Variants in LPP observed in about 807,000 individuals in gnomAD.
LPP encodes lipoma-preferred partner.
In LPP, 38 loss-of-function variants were observed where a neutral mutation model predicts 60.4. That is an observed-to-expected ratio of 0.63 (90% confidence interval 0.49 to 0.83). The LOEUF (loss-of-function observed/expected upper bound fraction) is 0.83, where lower values mean the gene tolerates loss of function less well. Among genes scored for constraint, LPP ranks in the 40% least tolerant of loss-of-function variants. LPP has a pLI of 0.00. For synonymous variants in LPP, 328 were observed against 290.8 expected (o/e 1.13, Z -1.30); for missense variants, 902 against 783.6 (o/e 1.15, Z -1.80).
chr3:188,540,825 C>CCATCCAACTCTCTGAAATAGAT, intron 6 of LPP, among the ~76,000 whole-genome samples: 1 of 152,232 alleles, frequency 6.6e-6, no homozygotes, highest in Admixed American at 6.5e-5. Flanking sequence ...CCATGATGTC[C>CCATCCAACTCTCTGAAATAGAT]CATCCAACTC....
intron 9 of LPP, among the ~76,000 whole-genome samples, chr3:188,801,141 G>A (rs759066197): frequency 2.6e-5 from 4 of 152,044 alleles, no homozygotes; most frequent in Admixed American, 6.6e-5. Context: ...AAAGGTTCCC[G>A]GGGCTAAACG....
chr3:188,340,508 A>G (rs1378732914), intron 2 of LPP, among the ~76,000 whole-genome samples: 1 of 139,928 alleles, frequency 7.1e-6, no homozygotes. Flanking sequence ...GGGACATTTT[A>G]TCAAAACTTC....
intron 6 of LPP, among the ~76,000 whole-genome samples, chr3:188,607,380 T>TAGAG (rs1842637009): frequency 6.0e-5 from 1 of 16,692 alleles, no homozygotes; most frequent in African/African-American, 2.4e-4. Context: ...GATATATATA[T>TAGAG]ATATATATAT....
At chr3:188,635,543 A>G (rs965979718) in intron 7 of LPP, among the ~76,000 whole-genome samples, 1 of 152,182 alleles carries the variant, frequency 6.6e-6, no homozygotes, top group African/African-American at 2.4e-5. Flanking sequence ...AGGGAAATAC[A>G]CACAATGCTA....
chr3:188,402,801 A>T (rs1164971837), intron 3 of LPP, among the ~76,000 whole-genome samples: 1 of 152,236 alleles, frequency 6.6e-6, no homozygotes, highest in African/African-American at 2.4e-5. Flanking sequence ...GTGGATTGTT[A>T]TAAGTATGCC....
chr3:188,609,905 C>T lies in LPP; in HGVS notation c.1113+61C>T. 1 of 1,502,180 alleles carries T rather than the reference C, an allele frequency of 6.7e-7. No homozygotes were observed. Among genetic ancestry groups the T allele is most frequent in the Non-Finnish European group, 9.0e-7 (1 of 1,117,080 alleles). The allele number at this position is 1,502,180 out of a possible 1,614,324, so 93.1% of individuals were successfully genotyped here. A position where few individuals can be genotyped will look rare whatever the true frequency, so the allele number is the denominator to read the frequency against. ...GGGTGCCTATCTTAGTCTGCCTTCC[C>T]CAGGAAGCGAAGCCTAAGGCAAAAG... On this transcript the variant is annotated intron_variant, in intron 7 of 11. Coordinates refer to ENST00000617246, the MANE Select transcript of LPP (RefSeq NM_001375462.1). This position sits in a 1 kb window ranked among gnomAD's most constrained non-coding sequence, Gnocchi z 6.9.
intron 2 of LPP, chr3:188,240,266 G>C (rs1215403515): frequency 5.8e-6 from 1 of 171,384 alleles, no homozygotes; most frequent in Non-Finnish European, 1.3e-5. Flanking sequence ...GTAGTGAGGG[G>C]GAACATGGGT....
intron 8 of LPP, among the ~76,000 whole-genome samples, chr3:188,733,290 C>CGTGTGTGTGTGTGTGT (rs10576864): frequency 3.4e-5 from 5 of 147,182 alleles, no homozygotes; most frequent in South Asian, 4.3e-4. Context: ...TCACCAAAAA[C>CGTGTGTGTGTGTGTGT]GTGTGTGTGT....
chr3:188,648,127 G>A (rs150095600), intron 7 of LPP, among the ~76,000 whole-genome samples: 149 of 152,250 alleles, frequency 9.8e-4, no homozygotes, highest in Middle Eastern at 6.8e-3. Flanking sequence ...TAATATGTTG[G>A]TGCTCTGCAT....
chr3:188,274,571 G>T (rs1739000499), intron 2 of LPP, among the ~76,000 whole-genome samples: 1 of 152,216 alleles, frequency 6.6e-6, no homozygotes, highest in African/African-American at 2.4e-5. Flanking sequence ...GACCTGTCAA[G>T]TGTGATGAAT....
intron 7 of LPP, among the ~76,000 whole-genome samples, chr3:188,660,650 G>GTGTGTGTA (rs1854369572): frequency 6.6e-6 from 1 of 151,838 alleles, no homozygotes; most frequent in East Asian, 1.9e-4. Flanking sequence ...AGATCTGTGT[G>GTGTGTGTA]TGTGTGTGTG....
chr3:188,280,584 A>G (rs528178694), intron 2 of LPP, among the ~76,000 whole-genome samples: 2 of 152,028 alleles, frequency 1.3e-5, no homozygotes, highest in African/African-American at 2.4e-5. Flanking sequence ...CCCCCAAACG[A>G]AACAGGTATC....
intron 4 of LPP, among the ~76,000 whole-genome samples, chr3:188,424,491 G>T (rs888831620): frequency 6.6e-6 from 1 of 152,090 alleles, no homozygotes; most frequent in Admixed American, 6.5e-5. Flanking sequence ...CTTCTGTGAA[G>T]AATGTCAATG....
chr3:188,579,758 G>A (rs1351319873), intron 6 of LPP, among the ~76,000 whole-genome samples: 1 of 150,692 alleles, frequency 6.6e-6, no homozygotes, highest in Non-Finnish European at 1.5e-5. Flanking sequence ...ACAGGAGTTT[G>A]AGACCAGCCT....
chr3:188,381,382 G>A (rs1048671262), intron 3 of LPP, among the ~76,000 whole-genome samples: 1 of 151,856 alleles, frequency 6.6e-6, no homozygotes, highest in Non-Finnish European at 1.5e-5. Flanking sequence ...CCATTACTGA[G>A]CATTTACCTT....
chr3:188,281,208 G>A (rs940420302), intron 2 of LPP, among the ~76,000 whole-genome samples: 1 of 152,086 alleles, frequency 6.6e-6, no homozygotes, highest in East Asian at 1.9e-4. Flanking sequence ...ATTTAGTAAA[G>A]CACATAAAAG....
At chr3:188,291,592 G>T (rs1429155254) in intron 2 of LPP, among the ~76,000 whole-genome samples, 1 of 147,616 alleles carries the variant, frequency 6.8e-6, no homozygotes, top group African/African-American at 2.5e-5. Flanking sequence ...CTTGCAGTGA[G>T]CTGAGATCAT....
chr3:188,872,663 C>T lies in LPP; in HGVS notation c.1610C>T (p.Ser537Phe), dbSNP rs1230746798. 1 of 1,614,124 alleles carries T rather than the reference C, an allele frequency of 6.2e-7. No homozygotes were observed. Among genetic ancestry groups the T allele is most frequent in the South Asian group, 1.1e-5 (1 of 91,072 alleles). Residue 537 changes from serine to phenylalanine, a missense_variant, in exon 11 of 12, where the codon TCT becomes TTT. By Grantham distance (155) the Ser-to-Phe change is radical. Coordinates refer to ENST00000617246, the MANE Select transcript of LPP (RefSeq NM_001375462.1). ...TTCAGGAAATTTGCCCCGCGATGTT[C>T]TGTGTGCAAGGAGCCTATTATGCCA... ...DFHKKFAPRC[S>F]VCKEPIMPAP...
chr3:188,208,816 G>A (rs1016983961), intron 1 of LPP, among the ~76,000 whole-genome samples: 2 of 152,168 alleles, frequency 1.3e-5, no homozygotes, highest in Non-Finnish European at 2.9e-5. Context: ...ACATAACCCC[G>A]TAGAACATCA....
Sources: gnomAD v4.1 joint callset for allele counts (sites outside exome capture counted in the v4.1 genomes callset) on GRCh38, gnomAD v4.1.1 for gene constraint, Gnocchi (gnomAD v3.1) non-coding constraint, MANE v1.5 for transcripts, NCBI Gene and HGNC (gene_info 2026-07-23, HGNC 2026-07-21) for gene names.